NT5C2: variants seen among roughly 807,000 people sequenced by gnomAD.
NT5C2 encodes 5'-nucleotidase, cytosolic II.
In NT5C2, 58 loss-of-function variants were observed where a neutral mutation model predicts 76.1. That is an observed-to-expected ratio of 0.76 (90% CI 0.62 to 0.95). The LOEUF is 0.95. Ranked by LOEUF, NT5C2 falls within the 40% of genes least tolerant of loss-of-function variation. The pLI is 0.00. For missense variants in NT5C2, 478 were observed against 690.3 expected, an observed-to-expected ratio of 0.69 and a Z score of 3.45; for synonymous variants, 229 against 237.4, an observed-to-expected ratio of 0.96 and a Z score of 0.32.
At chr10:103,181,751 T>C (rs956444449) in intron 1 of NT5C2, among the ~76,000 whole-genome samples, 7 of 152,212 alleles carry the variant, frequency 4.6e-5, no homozygotes, top group African/African-American at 1.4e-4. Flanking sequence ...ACGCCTGTAA[T>C]CCTGGCACTT....
chr10:103,115,070 T>C (rs2074002666), intron 4 of NT5C2, among the ~76,000 whole-genome samples: 1 of 152,216 alleles, frequency 6.6e-6, no homozygotes, highest in Non-Finnish European at 1.5e-5. Flanking sequence ...GTAGCTATTA[T>C]GTTAGAAGTA....
At chr10:103,095,460 G>A (rs574011944) in intron 12 of NT5C2, among the ~76,000 whole-genome samples, 6 of 152,294 alleles carry the variant, frequency 3.9e-5, no homozygotes, top group Admixed American at 6.5e-5. Flanking sequence ...AAGTGCAGCC[G>A]TACTGCAGAA....
chr10:103,191,076 T>TGAATTAAGCTTTTGGTAAGA (rs2092598732), intron 1 of NT5C2, among the ~76,000 whole-genome samples: 1 of 152,222 alleles, frequency 6.6e-6, no homozygotes. Flanking sequence ...ACTATTTCAC[T>TGAATTAAGCTTTTGGTAAGA]GAATTAAGCT....
intron 3 of NT5C2, among the ~76,000 whole-genome samples, chr10:103,163,395 G>A (rs1195703693): frequency 2.0e-5 from 3 of 152,116 alleles, no homozygotes; most frequent in Non-Finnish European, 2.9e-5. Flanking sequence ...CTGTTCACGA[G>A]CAATGTATGA....
At chr10:103,191,092 T>A (rs1427094734) in intron 1 of NT5C2, among the ~76,000 whole-genome samples, 1 of 152,216 alleles carries the variant, frequency 6.6e-6, no homozygotes, top group Non-Finnish European at 1.5e-5. Context: ...AAGCTTTTGG[T>A]AAGAGAATTA....
intron 10 of NT5C2, chr10:103,097,935 A>ATAGATT (rs1387176175): frequency 2.1e-6 from 1 of 472,132 alleles, no homozygotes; most frequent in African/African-American, 2.1e-5. Flanking sequence ...CGCATAGCAA[A>ATAGATT]TAGATTCCTT....
intron 3 of NT5C2, among the ~76,000 whole-genome samples, chr10:103,151,202 G>A (rs79680647): frequency 0.094 from 14,310 of 151,690 alleles, 873 homozygotes; most frequent in East Asian, 0.27. Flanking sequence ...AGTGGCTCAC[G>A]CCTGTAATCC....
intron 3 of NT5C2, among the ~76,000 whole-genome samples, chr10:103,146,862 T>A (rs753169274): frequency 1.6e-4 from 25 of 152,200 alleles, no homozygotes; most frequent in Non-Finnish European, 2.6e-4. Flanking sequence ...GCCAAATTAA[T>A]TGCTTTGAAG....
chr10:103,119,966 G>T (rs2135660709), intron 4 of NT5C2, among the ~76,000 whole-genome samples: 1 of 152,132 alleles, frequency 6.6e-6, no homozygotes, highest in East Asian at 1.9e-4. Context: ...AGGCATGATG[G>T]CACGAGCCTA....
In NT5C2 at chr10:103,181,189, T is replaced by C. The variant is rs79237883; in HGVS notation, c.-29A>G. On this transcript the variant is annotated 5_prime_UTR_variant, in exon 2 of 19. It adds an upstream start codon to the 5' untranslated region. Transcript: ENST00000404739. ...TCTGTGCAACTTATTGTATACCAAT[T>C]ATGCCACAATAAGACTTTTTCAGCC... The C allele has an allele frequency of 0.088, 13,436 of 152,044 alleles. 839 individuals carry two copies. Among genetic ancestry groups the C allele is most frequent in the East Asian group, 0.28 (1,435 of 5,168 alleles). 9.4% of individuals were successfully genotyped at this position (152,044 alleles called of 1,614,324 possible).
chr10:103,168,657 A>C (rs1232871377), intron 3 of NT5C2, among the ~76,000 whole-genome samples: 7 of 152,216 alleles, frequency 4.6e-5, no homozygotes, highest in Non-Finnish European at 8.8e-5. Flanking sequence ...AAAACTAAAC[A>C]ACCATAAGGA....
At chr10:103,125,121 AG>A (rs1248577020) in intron 4 of NT5C2, 8 of 476,404 alleles carry the variant, frequency 1.7e-5, no homozygotes, top group Non-Finnish European at 3.1e-5. Context: ...CCAAACTGGC[AG>A]GATGGAAGCA....
chr10:103,139,340 C>A, intron 4 of NT5C2, 66 bp downstream of exon 4: 1 of 1,008,418 alleles, frequency 9.9e-7, no homozygotes, highest in South Asian at 1.7e-5. Flanking sequence ...ATTGAATTGC[C>A]TACTGTGAAC....
intron 10 of NT5C2, 61 bp downstream of exon 10, chr10:103,098,870 T>G: frequency 8.7e-7 from 1 of 1,150,674 alleles, no homozygotes; most frequent in Non-Finnish European, 1.3e-6. Flanking sequence ...AGCTTGTTAT[T>G]AATTTCCCTA....
intron 18 of NT5C2, chr10:103,090,272 C>G: frequency 2.9e-6 from 1 of 345,756 alleles, no homozygotes; most frequent in Non-Finnish European, 5.3e-6. Flanking sequence ...GGCTGGAGTA[C>G]AGTGGAGCAA....
At chr10:103,189,646 TA>T (rs2092452648) in intron 1 of NT5C2, among the ~76,000 whole-genome samples, 2 of 150,964 alleles carry the variant, frequency 1.3e-5, no homozygotes, top group Admixed American at 6.6e-5. Context: ...AAGACTGTCA[TA>T]ATTTTTTTAA....
At chr10:103,168,730 G>A (rs556422053) in intron 3 of NT5C2, among the ~76,000 whole-genome samples, 2 of 152,212 alleles carry the variant, frequency 1.3e-5, no homozygotes, top group South Asian at 2.1e-4. Flanking sequence ...ACATATGACT[G>A]GCATCTCTAT....
At chr10:103,136,343 G>A (rs72844301) in intron 4 of NT5C2, among the ~76,000 whole-genome samples, 4,162 of 152,292 alleles carry the variant, frequency 0.027, 85 homozygotes, top group Non-Finnish European at 0.039. Context: ...GTAAAATGGA[G>A]ATGATAGTAG....
chr10:103,126,546 T>C (rs1273233755), intron 4 of NT5C2, among the ~76,000 whole-genome samples: 1 of 152,156 alleles, frequency 6.6e-6, no homozygotes, highest in African/African-American at 2.4e-5. Flanking sequence ...CGCTTGAACC[T>C]GGAAGGCGGA....
Sources: gnomAD v4.1 joint callset for allele counts (sites outside exome capture counted in the v4.1 genomes callset) on GRCh38, gnomAD v4.1.1 for gene constraint, MANE v1.5 for transcripts, NCBI Gene and HGNC (gene_info 2026-07-23, HGNC 2026-07-21) for gene names.